PCSK2: variants seen among roughly 807,000 people sequenced by gnomAD.
PCSK2 encodes proprotein convertase subtilisin/kexin type 2, also known as neuroendocrine convertase 2.
In PCSK2, 14 loss-of-function variants were observed where a neutral mutation model predicts 69.7. That is an observed-to-expected ratio of 0.20 (90% CI 0.13 to 0.31). PCSK2 has a LOEUF of 0.31. Ranked by LOEUF, PCSK2 falls within the 10% of genes least tolerant of loss-of-function variation. PCSK2 has a pLI of 1.00. For missense variants in PCSK2, 544 were observed against 842.5 expected (o/e 0.65, Z 4.39); for synonymous variants, 307 against 320.7 (o/e 0.96, Z 0.46).
At chr20:17,349,022 G>A (rs573965103) in intron 2 of PCSK2, among the ~76,000 whole-genome samples, 1 of 152,274 alleles carries the variant, frequency 6.6e-6, no homozygotes, top group South Asian at 2.1e-4. Context: ...AACCTCTCAT[G>A]TGGTTGTCGG....
chr20:17,443,041 G>A (rs1357895960), intron 8 of PCSK2, among the ~76,000 whole-genome samples: 2 of 152,180 alleles, frequency 1.3e-5, no homozygotes, highest in Non-Finnish European at 2.9e-5. Context: ...CAAGACTGTG[G>A]AGGACAACTT....
intron 9 of PCSK2, 91 bp from the exon 10 acceptor site, chr20:17,456,257 T>C (rs1228769303): frequency 2.3e-5 from 16 of 708,842 alleles, no homozygotes; most frequent in Non-Finnish European, 4.0e-5. Flanking sequence ...AATGAATAAA[T>C]AAAAGGAGTA....
intron 1 of PCSK2, among the ~76,000 whole-genome samples, chr20:17,229,269 G>A (rs1402941317): frequency 6.6e-6 from 1 of 151,768 alleles, no homozygotes; most frequent in Non-Finnish European, 1.5e-5. Context: ...AGATCTTTCA[G>A]AAGTGAACCC....
chr20:17,446,618 A>T (rs1308864240), intron 8 of PCSK2, among the ~76,000 whole-genome samples: 1 of 152,218 alleles, frequency 6.6e-6, no homozygotes, highest in Non-Finnish European at 1.5e-5. Flanking sequence ...CAGTTGACCT[A>T]GTGAGGACAA....
chr20:17,466,113 G>A (rs1013571067), intron 11 of PCSK2, among the ~76,000 whole-genome samples: 2 of 152,068 alleles, frequency 1.3e-5, no homozygotes, highest in Middle Eastern at 3.2e-3. Context: ...TATTTCTAAG[G>A]GCACAAATCA....
chr20:17,457,732 T>C (rs986299245), intron 10 of PCSK2, among the ~76,000 whole-genome samples: 1 of 152,226 alleles, frequency 6.6e-6, no homozygotes, highest in Non-Finnish European at 1.5e-5. Flanking sequence ...CCTTGCTCAC[T>C]GCATCCGCAA....
At chr20:17,277,803 T>G (rs1184216080) in intron 2 of PCSK2, among the ~76,000 whole-genome samples, 52 of 150,776 alleles carry the variant, frequency 3.4e-4, no homozygotes, top group Non-Finnish European at 3.0e-5. Flanking sequence ...TGGGAGAAAA[T>G]TTTTGCAACC....
chr20:17,467,339 G>A (rs947820402), intron 11 of PCSK2, among the ~76,000 whole-genome samples: 3 of 152,188 alleles, frequency 2.0e-5, no homozygotes, highest in African/African-American at 7.2e-5. Flanking sequence ...GATTGCAAAG[G>A]AAACCAATTA....
intron 5 of PCSK2, among the ~76,000 whole-genome samples, chr20:17,378,749 A>T (rs1340836531): frequency 6.6e-6 from 1 of 152,024 alleles, no homozygotes; most frequent in Admixed American, 6.6e-5. Flanking sequence ...TGCTAATGAG[A>T]CTATTGGGAT....
intron 2 of PCSK2, among the ~76,000 whole-genome samples, chr20:17,298,434 T>C (rs1988967869): frequency 6.6e-6 from 1 of 152,112 alleles, no homozygotes; most frequent in Admixed American, 6.6e-5. Flanking sequence ...GCTACTGGCA[T>C]CTAGTGGGAA....
chr20:17,429,089 T>C (rs1316279648), intron 6 of PCSK2, among the ~76,000 whole-genome samples: 1 of 151,326 alleles, frequency 6.6e-6, no homozygotes, highest in Non-Finnish European at 1.5e-5. Flanking sequence ...TTCCAGATGA[T>C]TTGTACCATT....
chr20:17,415,974 G>A (rs1332902446), intron 6 of PCSK2, among the ~76,000 whole-genome samples: 1 of 152,166 alleles, frequency 6.6e-6, no homozygotes, highest in Non-Finnish European at 1.5e-5. Flanking sequence ...CTAGCCACAT[G>A]TAGAAAGCTG....
chr20:17,247,054 A>G (rs1480947486), intron 1 of PCSK2, among the ~76,000 whole-genome samples: 3 of 152,212 alleles, frequency 2.0e-5, no homozygotes, highest in African/African-American at 7.2e-5. Context: ...GATATCAGTA[A>G]TGTGCAAAAC....
chr20:17,355,336 C>A (rs897059014), intron 2 of PCSK2, among the ~76,000 whole-genome samples: 3 of 152,094 alleles, frequency 2.0e-5, no homozygotes, highest in African/African-American at 7.2e-5. Context: ...GCTCTTGCTC[C>A]CCGAAGATCC....
At chr20:17,360,674 A>G (rs769053171) in intron 4 of PCSK2, 34 bp downstream of exon 4, 2 of 1,286,120 alleles carry the variant, frequency 1.6e-6, no homozygotes, top group Non-Finnish European at 2.2e-6. Context: ...TCATTTGGAA[A>G]TAAGCGTGCC....
intron 6 of PCSK2, among the ~76,000 whole-genome samples, chr20:17,429,083 A>G (rs2123336990): frequency 6.7e-6 from 1 of 150,204 alleles, no homozygotes; most frequent in Non-Finnish European, 1.5e-5. Context: ...TGGTAGTTCC[A>G]GATGATTTGT....
chr20:17,444,753 A>G (rs1468342667), intron 8 of PCSK2, among the ~76,000 whole-genome samples: 1 of 152,250 alleles, frequency 6.6e-6, no homozygotes, highest in East Asian at 1.9e-4. Context: ...GCTGTCAGCA[A>G]CTGGAGCTTA....
At chr20:17,318,205 A>C (rs1045980625) in intron 2 of PCSK2, among the ~76,000 whole-genome samples, 3 of 152,252 alleles carry the variant, frequency 2.0e-5, no homozygotes, top group Non-Finnish European at 4.4e-5. Flanking sequence ...GAACACTTCC[A>C]GCTCAATTTC....
intron 2 of PCSK2, among the ~76,000 whole-genome samples, chr20:17,341,413 A>G (rs1250167598): frequency 6.6e-6 from 1 of 152,178 alleles, no homozygotes; most frequent in African/African-American, 2.4e-5. Context: ...CCCGAAGTGA[A>G]GCGGGCCGCC....
Sources: allele counts gnomAD v4.1 joint callset (sites outside exome capture counted in the v4.1 genomes callset), GRCh38; gene constraint gnomAD v4.1.1; transcripts MANE v1.5; gene names NCBI Gene and HGNC (gene_info 2026-07-23, HGNC 2026-07-21).